Variants in ROBO1 observed in about 807,000 individuals in gnomAD.
ROBO1 encodes roundabout homolog 1.
In ROBO1, 149 loss-of-function variants were observed where a neutral mutation model predicts 195.9. The ratio of observed to expected loss-of-function variants is 0.76; its 90% CI spans 0.67 to 0.87. ROBO1 has a LOEUF of 0.87. Among genes scored for constraint, ROBO1 ranks in the 40% least tolerant of loss-of-function variants. The pLI, the probability that ROBO1 is intolerant of heterozygous loss-of-function variation, is 0.00. For missense variants in ROBO1, 1,933 were observed against 2,068.3 expected (o/e 0.93, Z 1.27); for synonymous variants, 816 against 733.2 (o/e 1.11, Z -1.82).
intron 2 of ROBO1, among the ~76,000 whole-genome samples, chr3:79,547,893 A>C (rs116473304): frequency 1.3e-3 from 194 of 152,206 alleles, no homozygotes; most frequent in African/African-American, 4.4e-3. Context: ...TATGCTAAAA[A>C]CTCAAGAAGA....
At chr3:78,686,817 G>C (rs2081062669) in intron 9 of ROBO1, among the ~76,000 whole-genome samples, 1 of 151,904 alleles carries the variant, frequency 6.6e-6, no homozygotes, top group Non-Finnish European at 1.5e-5. Context: ...CACATATCTT[G>C]TTTCTCTTGT....
chr3:78,754,477 A>G (rs536163133), intron 4 of ROBO1, among the ~76,000 whole-genome samples: 46 of 152,324 alleles, frequency 3.0e-4, no homozygotes, highest in Non-Finnish European at 5.6e-4. Flanking sequence ...TCAAAGAAAT[A>G]TGCTTCTGTA....
chr3:79,376,925 A>G (rs976457498), intron 2 of ROBO1, among the ~76,000 whole-genome samples: 4 of 152,174 alleles, frequency 2.6e-5, no homozygotes, highest in African/African-American at 9.7e-5. Context: ...TTCTCCTACC[A>G]CTTCAACTTT....
chr3:78,761,577 T>A (rs1027491776), intron 4 of ROBO1, among the ~76,000 whole-genome samples: 1 of 152,216 alleles, frequency 6.6e-6, no homozygotes, highest in African/African-American at 2.4e-5. Context: ...GTGATAAATT[T>A]GTTTTCTAAA....
chr3:79,432,590 C>T (rs190130449), intron 2 of ROBO1, among the ~76,000 whole-genome samples: 35 of 152,196 alleles, frequency 2.3e-4, no homozygotes, highest in African/African-American at 7.5e-4. Context: ...TTAATTCTTT[C>T]GCACAGAATT....
At chr3:78,609,561 T>C (rs1474929529) in intron 28 of ROBO1, among the ~76,000 whole-genome samples, 2 of 152,204 alleles carry the variant, frequency 1.3e-5, no homozygotes, top group Non-Finnish European at 2.9e-5. Flanking sequence ...CAGGTAGTTA[T>C]ACAGATTTCC....
At chr3:78,637,208 A>G (rs1012828238) in intron 22 of ROBO1, among the ~76,000 whole-genome samples, 2 of 152,016 alleles carry the variant, frequency 1.3e-5, no homozygotes, top group Non-Finnish European at 2.9e-5. Context: ...AAATGTGAAT[A>G]TAATCTTAAG....
intron 4 of ROBO1, among the ~76,000 whole-genome samples, chr3:78,787,856 AGCAGTGAGCT>A (rs1396118242): frequency 6.7e-6 from 1 of 148,710 alleles, no homozygotes; most frequent in African/African-American, 2.5e-5. Flanking sequence ...GGATCACTTG[AGCAGTGAGCT>A]GCAGTGAGCT....
At chr3:79,297,551 A>G (rs1236081342) in intron 2 of ROBO1, among the ~76,000 whole-genome samples, 3 of 152,112 alleles carry the variant, frequency 2.0e-5, no homozygotes, top group African/African-American at 7.2e-5. Flanking sequence ...TTTTGCAGCA[A>G]CTGGAGTTCT....
chr3:79,742,541 T>C (rs1703693490), intron 1 of ROBO1, among the ~76,000 whole-genome samples: 1 of 152,198 alleles, frequency 6.6e-6, no homozygotes, highest in African/African-American at 2.4e-5. Flanking sequence ...CATATGACTA[T>C]GTGCTATGTG....
chr3:79,105,799 G>A (rs1292239856), intron 3 of ROBO1, among the ~76,000 whole-genome samples: 1 of 151,758 alleles, frequency 6.6e-6, no homozygotes, highest in African/African-American at 2.4e-5. Context: ...CCTGAAAGAT[G>A]TGTTAACCAA....
chr3:79,236,479 C>T (rs1185455143), intron 2 of ROBO1, among the ~76,000 whole-genome samples: 1 of 152,166 alleles, frequency 6.6e-6, no homozygotes, highest in Non-Finnish European at 1.5e-5. Flanking sequence ...AAATTATATA[C>T]ATAAAAATTA....
intron 2 of ROBO1, among the ~76,000 whole-genome samples, chr3:79,173,620 C>A (rs115070208): frequency 6.6e-6 from 1 of 152,024 alleles, no homozygotes. Context: ...TCCATGGGCT[C>A]CGGCTCAGCC....
chr3:78,608,172 TG>T (rs1703577465), intron 28 of ROBO1, among the ~76,000 whole-genome samples: 1 of 152,126 alleles, frequency 6.6e-6, no homozygotes, highest in Non-Finnish European at 1.5e-5. Flanking sequence ...TGGAGTGCAG[TG>T]GTGTGATCTC....
At chr3:79,045,370 T>C (rs571914901) in intron 3 of ROBO1, among the ~76,000 whole-genome samples, 1 of 152,206 alleles carries the variant, frequency 6.6e-6, no homozygotes, top group South Asian at 2.1e-4. Flanking sequence ...AGAAGCTTAA[T>C]GATTTGTTGT....
At chr3:79,207,335 G>A (rs937118073) in intron 2 of ROBO1, among the ~76,000 whole-genome samples, 1 of 152,052 alleles carries the variant, frequency 6.6e-6, no homozygotes, top group South Asian at 2.1e-4. Context: ...TTTTTTGAAG[G>A]AGGTCAATCA....
At chr3:79,499,468 G>A (rs1223936782) in intron 2 of ROBO1, among the ~76,000 whole-genome samples, 1 of 152,062 alleles carries the variant, frequency 6.6e-6, no homozygotes, top group Non-Finnish European at 1.5e-5. Context: ...GGCTATTTTT[G>A]TTATTTCTTA....
At chr3:79,393,235 A>G (rs2037020550) in intron 2 of ROBO1, among the ~76,000 whole-genome samples, 1 of 152,080 alleles carries the variant, frequency 6.6e-6, no homozygotes, top group Non-Finnish European at 1.5e-5. Flanking sequence ...AGAACAATAT[A>G]GCTTTTATAC....
intron 21 of ROBO1, among the ~76,000 whole-genome samples, chr3:78,645,376 A>C (rs1399265680): frequency 2.0e-5 from 3 of 151,924 alleles, no homozygotes; most frequent in African/African-American, 7.2e-5. Flanking sequence ...AAGTTCACTG[A>C]ATTTGAATTA....
Sources: gnomAD v4.1 joint callset for allele counts (sites outside exome capture counted in the v4.1 genomes callset) on GRCh38, gnomAD v4.1.1 for gene constraint, MANE v1.5 for transcripts, NCBI Gene and HGNC (gene_info 2026-07-23, HGNC 2026-07-21) for gene names.